Variants in ATR observed in about 807,000 individuals in gnomAD.
ATR encodes serine/threonine-protein kinase ATR.
In ATR, 142 loss-of-function variants were observed where a neutral mutation model predicts 305.3. That is an observed-to-expected ratio of 0.47 (90% CI 0.41 to 0.53). The LOEUF (loss-of-function observed/expected upper bound fraction) is 0.53, where lower values mean the gene tolerates loss of function less well. ATR is among the 20% of genes least tolerant of loss of function. The probability of loss-of-function intolerance (pLI) is 0.00; values close to 1 mark genes in which losing one functional copy is unlikely to be tolerated. For synonymous variants in ATR, 1,050 were observed against 1,068.1 expected, an observed-to-expected ratio of 0.98 and a Z score of 0.33; for missense variants, 2,135 against 3,133.1, an observed-to-expected ratio of 0.68 and a Z score of 7.60.
chr3:142,573,453 CAAA>C (rs1218216880), intron 1 of ATR, among the ~76,000 whole-genome samples: 1 of 45,986 alleles, frequency 2.2e-5, no homozygotes, highest in Admixed American at 2.4e-4. Context: ...GACTTCATCT[CAAA>C]AAAAAAAAAA....
Position 142,524,166 on chromosome 3 carries a change from T to C in ATR, c.3979A>G (p.Thr1327Ala). 3 of 1,613,982 alleles carry C rather than the reference T, an allele frequency of 1.9e-6. No individual in the cohort carries two copies. The highest frequency in any genetic ancestry group is 2.5e-6 in the Non-Finnish European group (3 of 1,179,892). ...KLIKYATDSETVEPIISQLVT... is the reference protein window; with the variant it reads ...KLIKYATDSEAVEPIISQLVT... ...AACTGTGAGATAATAGGTTCTACTG[T>C]TTCACTGTCTGTTGCATACTTTATC... The change falls in exon 22 of 47, where the codon ACA becomes GCA. Residue 1327 changes from threonine (T) to alanine (A), a missense_variant. By Grantham distance (58) the Thr-to-Ala change is moderately conservative. This residue lies in a region of ATR where 530 missense variants were observed against 766.8 expected (regional missense o/e 0.69). Transcript: ENST00000350721.
intron 39 of ATR, among the ~76,000 whole-genome samples, chr3:142,467,693 T>C (rs2071162430): frequency 6.6e-6 from 1 of 152,100 alleles, no homozygotes; most frequent in African/African-American, 2.4e-5. Context: ...TCTCGGAAAA[T>C]TCTTAATTCA....
chr3:142,542,681 A>G lies in ATR; in HGVS notation c.3434T>C (p.Ile1145Thr), dbSNP rs377698546. The G allele has an allele frequency of 2.5e-6, 4 of 1,613,176 alleles. No individual in the cohort carries two copies. Among genetic ancestry groups the G allele is most frequent in the African/African-American group, 1.3e-5 (1 of 74,982 alleles). Reference protein sequence around the residue: ...NMQLLSSSVGIEDKKMALNSL... With the variant: ...NMQLLSSSVGTEDKKMALNSL... ...ACCACTTACCATTTTCTTATCTTCA[A>G]TGCCAACACTAGAGCTCAGTAACTG... The change falls in exon 17 of 47, where the codon ATT (isoleucine) becomes ACT (threonine). Residue 1145 changes from isoleucine to threonine, a missense_variant. Coordinates refer to ENST00000350721, the MANE Select transcript of ATR (RefSeq NM_001184.4).
chr3:142,484,089 AG>A (rs2030739120), intron 36 of ATR, among the ~76,000 whole-genome samples: 1 of 152,094 alleles, frequency 6.6e-6, no homozygotes, highest in African/African-American at 2.4e-5. Context: ...AGGGCACTTT[AG>A]GCCTCAGGAA....
Position 142,536,893 on chromosome 3 carries a change from G to T in ATR, c.3726-692C>A, listed in dbSNP as rs545630328. Among the ~76,000 whole-genome samples, 240 of 152,130 alleles carry T rather than the reference G, an allele frequency of 1.6e-3. 1 individual carries two copies. Among genetic ancestry groups the T allele is most frequent in the Non-Finnish European group, 2.8e-3 (191 of 67,972 alleles). On this transcript the variant is annotated intron_variant, in intron 19 of 46. Coordinates refer to ENST00000350721, the MANE Select transcript of ATR (RefSeq NM_001184.4). ...ATACAAATTATCATGAAGAATTATA[G>T]AAAAAAATACATAAATAATCCTTGT... is the stretch of plus-strand genomic sequence containing the variant.
At chr3:142,488,065 C>T (rs761213097) in intron 35 of ATR, among the ~76,000 whole-genome samples, 1 of 152,168 alleles carries the variant, frequency 6.6e-6, no homozygotes, top group Non-Finnish European at 1.5e-5. Context: ...CTCTGGCTTC[C>T]TGTGAAGTTC....
chr3:142,484,067 C>T (rs1235181366), intron 36 of ATR, among the ~76,000 whole-genome samples: 1 of 152,014 alleles, frequency 6.6e-6, no homozygotes, highest in Non-Finnish European at 1.5e-5. Flanking sequence ...CCTAACTCCT[C>T]GTTTTAATGT....
At chr3:142,461,657 T>C (rs935164369) in intron 42 of ATR, among the ~76,000 whole-genome samples, 2 of 152,128 alleles carry the variant, frequency 1.3e-5, no homozygotes, top group Non-Finnish European at 2.9e-5. Context: ...AGTTTCAGAA[T>C]TGTTAACCAA....
chr3:142,558,658 A>C lies in ATR; in HGVS notation c.1851T>G (p.Leu617=). The C allele has an allele frequency of 6.2e-7, 1 of 1,613,476 alleles. No individual in the cohort carries two copies. Among genetic ancestry groups the C allele is most frequent in the Non-Finnish European group, 8.5e-7 (1 of 1,179,656 alleles). The part of the protein sequence containing the change: ...CLKLTTFAAN[L]LTLSCRISDS... Reference sequence around the variant, plus strand: ...CTGAAATCCTACAGCTTAATGTTAGAAGATTAGCGGCAAATGTGGTCAACT... The same window carrying C: ...CTGAAATCCTACAGCTTAATGTTAGCAGATTAGCGGCAAATGTGGTCAACT... Residue 617 remains leucine, a synonymous_variant, in exon 8 of 47, where the codon CTT becomes CTG. Coordinates refer to ENST00000350721, the MANE Select transcript of ATR (RefSeq NM_001184.4).
chr3:142,461,842 T>C lies in ATR; in HGVS notation c.7192+98A>G, dbSNP rs78659656. On this transcript the variant is annotated intron_variant, in intron 42 of 46. Transcript: ENST00000350721. Reference sequence around the variant, plus strand: ...AATCTAGAAATTTCACTATAGCTTATATCAAAAAACATATGCTAGCATATA... The same window carrying C: ...AATCTAGAAATTTCACTATAGCTTACATCAAAAAACATATGCTAGCATATA... 705 of 1,325,174 alleles carry C rather than the reference T, an allele frequency of 5.3e-4. 2 individuals are homozygous for C. Among genetic ancestry groups the C allele is most frequent in the Middle Eastern group, 3.9e-3 (16 of 4,076 alleles). 82.1% of individuals were successfully genotyped at this position (1,325,174 alleles called of 1,614,324 possible). A position where few individuals can be genotyped will look rare whatever the true frequency, so the allele number is the denominator to read the frequency against.
rs2108471844 is a variant in ATR, at chr3:142,556,123, C to A, written c.2095G>T (p.Asp699Tyr). The change falls in exon 10 of 47, where the codon GAT (aspartate) becomes TAT (tyrosine). Residue 699 changes from aspartate to tyrosine, a missense_variant. Around this residue, in one of 9 missense-constraint regions of ATR, gnomAD observed 744 missense variants for 873.2 expected, o/e 0.85. Coordinates refer to ENST00000350721, the MANE Select transcript of ATR (RefSeq NM_001184.4). ...AATTCTTTCTTGACAATGTCAGAAT[C>A]ATCTTTGACTTTATCTCTGGGGAAA... ...PKILIDKVKD[D>Y]SDIVKKEFAS... 1.2e-6 allele frequency: 2 copies of A among 1,613,218 alleles called. No individual in the cohort carries two copies. The highest frequency in any genetic ancestry group is 2.2e-5 in the South Asian group (2 of 90,688).
intron 16 of ATR, among the ~76,000 whole-genome samples, chr3:142,547,298 A>C (rs1306500996): frequency 6.6e-6 from 1 of 152,224 alleles, no homozygotes; most frequent in Non-Finnish European, 1.5e-5. Flanking sequence ...TGACCTAAGG[A>C]AAGAGTAGTC....
chr3:142,507,553 T>C (rs759913945), intron 28 of ATR, among the ~76,000 whole-genome samples: 8 of 152,224 alleles, frequency 5.3e-5, no homozygotes, highest in Non-Finnish European at 1.0e-4. Flanking sequence ...TCCTCTACCA[T>C]TCCAAAACCG....
At chr3:142,464,933 A>G (rs1404240043) in intron 41 of ATR, among the ~76,000 whole-genome samples, 164 bp downstream of exon 41, 1 of 152,212 alleles carries the variant, frequency 6.6e-6, no homozygotes, top group East Asian at 1.9e-4. Context: ...TTTATATTTC[A>G]TTCCTGCTTT....
rs111927479 is a variant in ATR at position 142,457,771 on chromosome 3, T to C, written c.7504-16A>G. On this transcript the variant is annotated splice_polypyrimidine_tract_variant and intron_variant, in intron 44 of 46. Transcript: ENST00000350721. ...AGGTTTCTCCCTTAGAAACAATACA[T>C]TTTATTACAAACTAACAATGTTAGA... 792 of 1,612,260 alleles carry C rather than the reference T, an allele frequency of 4.9e-4. 6 individuals are homozygous for C. The African/African-American group carries it at 9.1e-3, about 18-fold the overall frequency.
At chr3:142,502,316 A>C (rs2032010957) in intron 30 of ATR, among the ~76,000 whole-genome samples, 1 of 152,208 alleles carries the variant, frequency 6.6e-6, no homozygotes, top group Admixed American at 6.5e-5. Context: ...AAATCAACCT[A>C]AGTGCCCATC....
chr3:142,481,789 C>T (rs2030506936), intron 36 of ATR, among the ~76,000 whole-genome samples: 1 of 151,834 alleles, frequency 6.6e-6, no homozygotes, highest in African/African-American at 2.4e-5. Context: ...CGTGCCCAGC[C>T]ATATCTGATA....
chr3:142,467,351 A>G (rs2071155162), intron 39 of ATR, among the ~76,000 whole-genome samples: 1 of 152,138 alleles, frequency 6.6e-6, no homozygotes, highest in African/African-American at 2.4e-5. Context: ...TACCGAAAAA[A>G]GTACTTATTA....
intron 1 of ATR, among the ~76,000 whole-genome samples, chr3:142,575,398 C>T (rs1019416701): frequency 2.0e-5 from 3 of 150,520 alleles, no homozygotes; most frequent in South Asian, 2.1e-4. Context: ...ACAGGAAAAT[C>T]GCTTGAACCC....
Sources: allele counts gnomAD v4.1 joint callset (sites outside exome capture counted in the v4.1 genomes callset), GRCh38; gene constraint gnomAD v4.1.1; regional missense constraint gnomAD v4.1.1; transcripts MANE v1.5; gene names NCBI Gene and HGNC (gene_info 2026-07-23, HGNC 2026-07-21).